Variants in COP1 observed in about 807,000 individuals in gnomAD.
COP1 encodes E3 ubiquitin-protein ligase COP1.
Under a neutral mutation model 101.3 loss-of-function variants are expected in COP1, and 24 were observed. That is an observed-to-expected ratio of 0.24 (90% CI 0.17 to 0.33). The LOEUF is 0.33. COP1 is among the 10% of genes least tolerant of loss of function. The probability of loss-of-function intolerance (pLI) is 1.00; values close to 1 mark genes in which losing one functional copy is unlikely to be tolerated. For synonymous variants in COP1, 347 were observed against 341.9 expected, an observed-to-expected ratio of 1.01 and a Z score of -0.17; for missense variants, 663 against 906.2, an observed-to-expected ratio of 0.73 and a Z score of 3.45.
chr1:176,049,160 C>A (rs936759516), intron 11 of COP1, among the ~76,000 whole-genome samples: 2 of 126,820 alleles, frequency 1.6e-5, no homozygotes, highest in African/African-American at 6.5e-5. Flanking sequence ...GCCTGGGCAA[C>A]AGAGCGAGAC....
At chr1:176,179,046 T>C (rs1287198453) in intron 2 of COP1, among the ~76,000 whole-genome samples, 9 of 151,486 alleles carry the variant, frequency 5.9e-5, no homozygotes, top group Admixed American at 2.0e-4. Flanking sequence ...TCCCAGCACT[T>C]TGGGAGGCCA....
intron 18 of COP1, among the ~76,000 whole-genome samples, chr1:175,972,825 A>G (rs1419454409): frequency 6.6e-6 from 1 of 152,080 alleles, no homozygotes; most frequent in Non-Finnish European, 1.5e-5. Flanking sequence ...ATAACTGCAC[A>G]TAAGCCTTAT....
chr1:176,145,226 TG>T (rs2149800323), intron 6 of COP1, among the ~76,000 whole-genome samples: 1 of 152,134 alleles, frequency 6.6e-6, no homozygotes, highest in East Asian at 1.9e-4. Flanking sequence ...AAAACCCAAA[TG>T]GCCAATCAAT....
intron 9 of COP1, among the ~76,000 whole-genome samples, chr1:176,106,205 A>AT (rs1247149584): frequency 6.6e-6 from 1 of 151,830 alleles, no homozygotes; most frequent in Non-Finnish European, 1.5e-5. Context: ...TAATTTTTGT[A>AT]TTTTTTGTAG....
At chr1:176,136,275 T>G (rs1238712292) in intron 7 of COP1, among the ~76,000 whole-genome samples, 1 of 152,046 alleles carries the variant, frequency 6.6e-6, no homozygotes, top group Non-Finnish European at 1.5e-5. Flanking sequence ...ATTATGGCAA[T>G]AAAACATTGT....
intron 10 of COP1, among the ~76,000 whole-genome samples, chr1:176,083,042 C>G (rs1158836920): frequency 6.6e-6 from 1 of 152,008 alleles, no homozygotes; most frequent in Non-Finnish European, 1.5e-5. Flanking sequence ...TCTTGCTCCA[C>G]AAAAATTATT....
At chr1:176,025,733 T>C (rs1011196482) in intron 15 of COP1, among the ~76,000 whole-genome samples, 1 of 151,180 alleles carries the variant, frequency 6.6e-6, no homozygotes, top group African/African-American at 2.4e-5. Flanking sequence ...CTACGAAAAA[T>C]ACAAAAATTA....
intron 11 of COP1, among the ~76,000 whole-genome samples, chr1:176,053,745 C>T (rs1672971064): frequency 6.6e-6 from 1 of 152,172 alleles, no homozygotes; most frequent in South Asian, 2.1e-4. Flanking sequence ...TCTATGGAAC[C>T]TACACCCACT....
intron 14 of COP1, 51 bp from the exon 15 acceptor site, chr1:176,027,739 T>C (rs1242262153): frequency 2.8e-6 from 3 of 1,054,654 alleles, no homozygotes; most frequent in African/African-American, 1.6e-5. Flanking sequence ...AATACATTAG[T>C]AAATGCTTCT....
chr1:175,959,879 G>A (rs1260853659), intron 18 of COP1, among the ~76,000 whole-genome samples: 1 of 151,972 alleles, frequency 6.6e-6, no homozygotes, highest in East Asian at 1.9e-4. Flanking sequence ...ACATCTTCAG[G>A]GCTTTCTCAA....
At chr1:176,116,484 G>T in intron 9 of COP1, 140 bp downstream of exon 9, 1 of 603,278 alleles carries the variant, frequency 1.7e-6, no homozygotes, top group Non-Finnish European at 3.0e-6. Context: ...ATGCATAAGA[G>T]CTATTCAAGT....
chr1:176,145,165 A>C (rs1691375924), intron 6 of COP1, among the ~76,000 whole-genome samples: 1 of 152,122 alleles, frequency 6.6e-6, no homozygotes, highest in Non-Finnish European at 1.5e-5. Flanking sequence ...AAGAAAAATC[A>C]AACAAAAAAT....
chr1:176,157,021 G>C (rs1281440644), intron 5 of COP1, among the ~76,000 whole-genome samples: 1 of 151,904 alleles, frequency 6.6e-6, no homozygotes, highest in Non-Finnish European at 1.5e-5. Context: ...AACATGGTGA[G>C]ACGCCATCTC....
intron 14 of COP1, among the ~76,000 whole-genome samples, chr1:176,029,117 T>G (rs1442763783): frequency 1.3e-5 from 2 of 152,170 alleles, no homozygotes; most frequent in African/African-American, 2.4e-5. Context: ...TATGAAAATG[T>G]ACACAAACAT....
intron 2 of COP1, among the ~76,000 whole-genome samples, chr1:176,183,767 A>G (rs1284796176): frequency 6.6e-6 from 1 of 152,214 alleles, no homozygotes; most frequent in East Asian, 1.9e-4. Context: ...AGTATTATTC[A>G]GCCTTACAAA....
At chr1:176,021,725 T>C (rs1338418828) in intron 15 of COP1, among the ~76,000 whole-genome samples, 1 of 152,212 alleles carries the variant, frequency 6.6e-6, no homozygotes, top group African/African-American at 2.4e-5. Context: ...CTACTGCTGC[T>C]TTCTTTGAAT....
At chr1:175,996,165 G>A (rs946855810) in intron 15 of COP1, among the ~76,000 whole-genome samples, 2 of 152,176 alleles carry the variant, frequency 1.3e-5, no homozygotes, top group African/African-American at 2.4e-5. Context: ...TACCTCAATA[G>A]ATGCAGAAAA....
At chr1:176,151,409 GAAAGAAAGA>G (rs1692559845) in intron 5 of COP1, among the ~76,000 whole-genome samples, 1 of 133,016 alleles carries the variant, frequency 7.5e-6, no homozygotes, top group African/African-American at 2.6e-5. Flanking sequence ...AAGAAAGAAA[GAAAGAAAGA>G]AACATATTTA....
rs373562703 is a variant in COP1 at position 175,965,538 on chromosome 1, G to T, written c.2134-18299C>A. Among the ~76,000 whole-genome samples the T allele has an allele frequency of 8.6e-5, 13 of 151,698 alleles. No homozygotes were observed. The East Asian group carries it at 1.7e-3, about 20-fold the overall frequency. ...AATTCAAATTTCTTTTGTTTTTGGA[G>T]CTCAGAGAAATTCATTTCACTTATC... On this transcript the variant is annotated intron_variant, in intron 18 of 19. Transcript: ENST00000367669.
Sources: allele counts gnomAD v4.1 joint callset (sites outside exome capture counted in the v4.1 genomes callset), GRCh38; gene constraint gnomAD v4.1.1; transcripts MANE v1.5; gene names NCBI Gene and HGNC (gene_info 2026-07-23, HGNC 2026-07-21).